The following MYH10 variants were observed in gnomAD, a reference collection of about 807,000 sequenced individuals.
MYH10 encodes myosin heavy chain 10.
Under a neutral mutation model 257.8 loss-of-function variants are expected in MYH10, and 55 were observed. The ratio of observed to expected loss-of-function variants is 0.21; its 90% CI spans 0.17 to 0.27. The LOEUF is 0.27. MYH10 is among the 10% of genes least tolerant of loss of function. The pLI is 1.00. For missense variants in MYH10, 1,631 were observed against 2,500.6 expected (o/e 0.65, Z 7.42); for synonymous variants, 854 against 921.7 (o/e 0.93, Z 1.33).
rs776094441 is a variant in MYH10, at chr17:8,535,809, A to G, written c.1728T>C (p.Pro576=). ...EQGSHSKFQK[P]RQLKDKADFC... ...AATCAGCTTTGTCTTTTAATTGTCG[A>G]GGTTTCTGAAACTTGGAGTGGGAAC... Residue 576 remains proline, a synonymous_variant, in exon 15 of 43, where the codon CCT becomes CCC. Coordinates refer to ENST00000360416, the MANE Select transcript of MYH10 (RefSeq NM_001256012.3). The surrounding 1 kb of genome is among the most constrained non-coding windows in gnomAD (Gnocchi z 4.3). 1.9e-6 allele frequency: 3 copies of G among 1,614,062 alleles called. No individual in the cohort carries two copies.
At chr17:8,556,108 G>A (rs910582037) in intron 7 of MYH10, among the ~76,000 whole-genome samples, 1 of 152,220 alleles carries the variant, frequency 6.6e-6, no homozygotes, top group African/African-American at 2.4e-5. Flanking sequence ...ATACCCACTA[G>A]AGTGGCTACA....
At chr17:8,497,729 ACT>A (rs1173937535) in intron 30 of MYH10, among the ~76,000 whole-genome samples, 1 of 99,716 alleles carries the variant, frequency 1.0e-5, no homozygotes, top group African/African-American at 4.0e-5. Context: ...ACAGAGCGAG[ACT>A]CTGTCTCAAA....
intron 2 of MYH10, among the ~76,000 whole-genome samples, chr17:8,608,733 G>T (rs984294275): frequency 2.0e-5 from 3 of 152,096 alleles, no homozygotes; most frequent in Non-Finnish European, 4.4e-5. Flanking sequence ...CCACTATGCT[G>T]CTTTATGCCT....
rs755114317 is a variant in MYH10 at position 8,518,656 on chromosome 17, C to A, written c.2479G>T (p.Val827Phe). ...TTTCTGGCCAGGTAACCTCTGCAAACGGCCTGGAAGAAGATAATGATATCG... is the reference window on the plus strand; with the variant it reads ...TTTCTGGCCAGGTAACCTCTGCAAAAGGCCTGGAAGAAGATAATGATATCG... ...ITDIIIFFQAVCRGYLARKAF... is the reference protein window; with the variant it reads ...ITDIIIFFQAFCRGYLARKAF... The change falls in exon 21 of 43, where the codon GTT becomes TTT. Residue 827 changes from valine (V) to phenylalanine (F), a missense_variant. By Grantham distance (50) the Val-to-Phe change is conservative. Transcript: ENST00000360416. 1 of 1,613,460 alleles carries A rather than the reference C, an allele frequency of 6.2e-7. No individual in the cohort carries two copies. The highest frequency in any genetic ancestry group is 8.5e-7 in the Non-Finnish European group (1 of 1,179,814).
intron 19 of MYH10, 37 bp downstream of exon 19, chr17:8,520,841 C>T (rs1567840771): frequency 6.4e-7 from 1 of 1,570,288 alleles, no homozygotes; most frequent in Admixed American, 1.9e-5. Flanking sequence ...AAGATAAACT[C>T]TGATACATAA....
At chr17:8,596,475 T>G (rs1354193415) in intron 3 of MYH10, among the ~76,000 whole-genome samples, 1 of 152,196 alleles carries the variant, frequency 6.6e-6, no homozygotes, top group Admixed American at 6.5e-5. Flanking sequence ...TTTAAAGCCT[T>G]CCTTGATGTT....
chr17:8,491,512 A>G (rs1347760538), intron 34 of MYH10, among the ~76,000 whole-genome samples: 1 of 152,236 alleles, frequency 6.6e-6, no homozygotes, highest in Non-Finnish European at 1.5e-5. Context: ...ATAGCACATG[A>G]AAATGAGATC....
At chr17:8,605,978 A>AT (rs899197441) in intron 2 of MYH10, among the ~76,000 whole-genome samples, 16 of 151,628 alleles carry the variant, frequency 1.1e-4, no homozygotes, top group Middle Eastern at 3.5e-3. Flanking sequence ...AAATACAGGG[A>AT]TTTTTTTTTC....
rs780139174 is a variant in MYH10 at position 8,492,470 on chromosome 17, C to T, written c.4498G>A (p.Glu1500Lys). The T allele has an allele frequency of 5.0e-6, 8 of 1,612,394 alleles. No homozygotes were observed. The highest frequency in any genetic ancestry group is 3.3e-5 in the Admixed American group (2 of 60,026). Residue 1500 changes from glutamate (E) to lysine (K), a missense_variant, in exon 34 of 43, where the codon GAA (glutamate) becomes AAA (lysine). Coordinates refer to ENST00000360416, the MANE Select transcript of MYH10 (RefSeq NM_001256012.3). ...TCGGCTTCGGCCCGGTCCCGCTCTT[C>T]GGCATAGCGAGCAGAGATGCTCTTC... ...EEKSISARYA[E>K]ERDRAEAEAR...
At chr17:8,528,850 C>T (rs2081934855) in intron 17 of MYH10, among the ~76,000 whole-genome samples, 1 of 152,200 alleles carries the variant, frequency 6.6e-6, no homozygotes, top group Non-Finnish European at 1.5e-5. Context: ...AACTATTACA[C>T]ACAATCTCAA....
chr17:8,518,785 C>A lies in MYH10; in HGVS notation c.2350G>T (p.Ala784Ser). The A allele has an allele frequency of 6.2e-7, 1 of 1,611,060 alleles. No individual in the cohort carries two copies. Among genetic ancestry groups the A allele is most frequent in the Non-Finnish European group, 8.5e-7 (1 of 1,179,258 alleles). Reference sequence around the variant, plus strand: ...TACAAGTTTGGGTCCAATTCTAAAGCCCGGATCTAAGAGAGAAAGAGTTTA... The same window carrying A: ...TACAAGTTTGGGTCCAATTCTAAAGACCGGATCTAAGAGAGAAAGAGTTTA... Reference protein sequence around the residue: ...GKQACERMIRALELDPNLYRI... With the variant: ...GKQACERMIRSLELDPNLYRI... The change falls in exon 21 of 43, where the codon GCT becomes TCT. Residue 784 changes from alanine to serine, a missense_variant. Physicochemically the swap from Ala to Ser is moderately conservative, Grantham distance 99. Coordinates refer to ENST00000360416, the MANE Select transcript of MYH10 (RefSeq NM_001256012.3).
At chr17:8,579,245 C>T (rs1237548426) in intron 4 of MYH10, among the ~76,000 whole-genome samples, 2 of 150,756 alleles carry the variant, frequency 1.3e-5, no homozygotes, top group Non-Finnish European at 2.9e-5. Context: ...TGCCACTGCA[C>T]CCCAGCCTGG....
At position 8,477,968 on chromosome 17, in the gene MYH10, G is replaced by T. The variant is rs1912972370; in HGVS notation, c.5706+370C>A. 6.6e-6 allele frequency among the ~76,000 whole-genome samples: 1 copy of T among 152,128 alleles called. No individual in the cohort carries two copies. Among genetic ancestry groups the T allele is most frequent in the African/African-American group, 2.4e-5 (1 of 41,426 alleles). ...CTTCACTTTCTATTCAGTATCTCCT[G>T]TGCCCACCCTACACCCAGCCAGTAT... On this transcript the variant is annotated intron_variant, in intron 41 of 42. Transcript: ENST00000360416. The surrounding 1 kb of genome is among the most constrained non-coding windows in gnomAD (Gnocchi z 4.2).
rs773115499 is a variant in MYH10 at position 8,535,714 on chromosome 17, AAC to A, written c.1779+42_1779+43del. The stretch of plus-strand genomic sequence containing the variant: ...TTCATAAAAATGTAGCAAAATTTCA[AAC>A]ACAGCCATTTTAATCCAGTTATTCA... On this transcript the variant is annotated intron_variant, in intron 15 of 42. Coordinates refer to ENST00000360416, the MANE Select transcript of MYH10 (RefSeq NM_001256012.3). This position sits in a 1 kb window ranked among gnomAD's most constrained non-coding sequence, Gnocchi z 4.3. The A allele has an allele frequency of 1.3e-6, 2 of 1,576,512 alleles. No homozygotes were observed. The highest frequency in any genetic ancestry group is 1.7e-6 in the Non-Finnish European group (2 of 1,157,230).
At chr17:8,622,764 C>T (rs2085516182) in intron 2 of MYH10, 138 bp downstream of exon 2, 2 of 1,067,694 alleles carry the variant, frequency 1.9e-6, no homozygotes, top group Non-Finnish European at 2.6e-6. Flanking sequence ...AGCAACAAAT[C>T]TTTCTATCTT....
At position 8,530,703 on chromosome 17, in the gene MYH10, C is replaced by CA; in HGVS notation, c.1895-19dup. 6.5e-7 allele frequency: 1 copy of CA among 1,536,490 alleles called. No individual in the cohort carries two copies. Reference sequence around the variant, plus strand: ...CTGAATCTCTAAAGCAGAGAAACAGCAAAAACAGGACAGAAGAGCAAATAC... The same window carrying CA: ...CTGAATCTCTAAAGCAGAGAAACAGCAAAAAACAGGACAGAAGAGCAAATAC... On this transcript the variant is annotated intron_variant, in intron 16 of 42. Coordinates refer to ENST00000360416, the MANE Select transcript of MYH10 (RefSeq NM_001256012.3).
At chr17:8,495,113 G>T in intron 31 of MYH10, 24 bp downstream of exon 31, 2 of 1,367,332 alleles carry the variant, frequency 1.5e-6, no homozygotes, top group Non-Finnish European at 1.0e-6. Context: ...TTATTATAAA[G>T]ACCCCTTGCT....
At chr17:8,503,855 C>T (rs1032207313) in intron 28 of MYH10, among the ~76,000 whole-genome samples, 2 of 152,232 alleles carry the variant, frequency 1.3e-5, no homozygotes, top group African/African-American at 2.4e-5. Context: ...CCAGCCAAGG[C>T]ACGAGGGTTC....
Position 8,474,587 on chromosome 17 carries a change from A to AC in MYH10, c.*1216_*1217insG, listed in dbSNP as rs1201714478. On this transcript the variant is annotated 3_prime_UTR_variant, in exon 43 of 43. Coordinates refer to ENST00000360416, the MANE Select transcript of MYH10 (RefSeq NM_001256012.3). ...ACCACTTTGACTAGAGAGGTACATG[A>AC]TATGAAGCACAGTCAAAACTGAATA... 2.2e-4 allele frequency: 33 copies of AC among 152,674 alleles called. No individual in the cohort carries two copies. The highest frequency in any genetic ancestry group is 8.0e-4 in the African/African-American group (33 of 41,466). 9.5% of individuals were successfully genotyped at this position (152,674 alleles called of 1,614,324 possible). A position where few individuals can be genotyped will look rare whatever the true frequency, so the allele number is the denominator to read the frequency against.
Sources: allele counts gnomAD v4.1 joint callset (sites outside exome capture counted in the v4.1 genomes callset), GRCh38; gene constraint gnomAD v4.1.1; non-coding constraint Gnocchi (gnomAD v3.1); transcripts MANE v1.5; gene names NCBI Gene and HGNC (gene_info 2026-07-23, HGNC 2026-07-21).